The following CLIP1 variants were observed in gnomAD, a reference collection of about 807,000 sequenced individuals.
CLIP1 encodes the protein CAP-Gly domain containing linker protein 1.
In CLIP1, 66 loss-of-function variants were observed where a neutral mutation model predicts 161.6. That is an observed-to-expected ratio of 0.41 (90% CI 0.33 to 0.50). The LOEUF is 0.50. CLIP1 is among the 20% of genes least tolerant of loss of function. The pLI is 0.27. For missense variants in CLIP1, 1,376 were observed against 1,702.0 expected, an observed-to-expected ratio of 0.81 and a Z score of 3.37; for synonymous variants, 598 against 626.2, an observed-to-expected ratio of 0.96 and a Z score of 0.67.
intron 1 of CLIP1, among the ~76,000 whole-genome samples, chr12:122,415,049 C>G (rs1392925621): frequency 6.6e-6 from 1 of 151,856 alleles, no homozygotes. Flanking sequence ...CGGAGTGAGA[C>G]TCTGTCTCAA....
chr12:122,396,647 TCTA>T (rs2137032212), intron 1 of CLIP1: 1 of 152,260 alleles, frequency 6.6e-6, no homozygotes, highest in Non-Finnish European at 1.5e-5. Flanking sequence ...AGAAACAGAC[TCTA>T]CTGAGCTGCT....
chr12:122,352,908 A>G, intron 7 of CLIP1, 122 bp from the exon 8 acceptor site: 1 of 783,738 alleles, frequency 1.3e-6, no homozygotes, highest in Non-Finnish European at 2.2e-6. Context: ...AATCCCAGCA[A>G]TTTGGGAGGT....
chr12:122,312,325 C>CA (rs1443376128), intron 19 of CLIP1, among the ~76,000 whole-genome samples: 2 of 152,150 alleles, frequency 1.3e-5, no homozygotes, highest in Admixed American at 6.5e-5. Flanking sequence ...TTGTTATCTA[C>CA]AACTGAAAAT....
intron 1 of CLIP1, among the ~76,000 whole-genome samples, chr12:122,394,830 C>T (rs951552600): frequency 2.0e-5 from 3 of 151,948 alleles, no homozygotes; most frequent in East Asian, 1.9e-4. Flanking sequence ...TCCAGTCTGG[C>T]GACAGCATGA....
At chr12:122,330,094 G>A (rs1951879730) in intron 15 of CLIP1, among the ~76,000 whole-genome samples, 1 of 152,058 alleles carries the variant, frequency 6.6e-6, no homozygotes, top group African/African-American at 2.4e-5. Flanking sequence ...TCCAGCCTGG[G>A]CAACAAGAGC....
At chr12:122,290,282 A>G (rs942988579) in intron 20 of CLIP1, among the ~76,000 whole-genome samples, 5 of 152,180 alleles carry the variant, frequency 3.3e-5, no homozygotes, top group Non-Finnish European at 7.3e-5. Flanking sequence ...ACATAGTTTT[A>G]TAGACTCTTT....
Position 122,299,612 on chromosome 12 carries a change from CAAA to C in CLIP1, c.3594+10147_3594+10149del, listed in dbSNP as rs71082962. 7.3e-3 allele frequency among the ~76,000 whole-genome samples: 459 copies of C among 62,510 alleles called. 20 individuals are homozygous for C. The highest frequency in any genetic ancestry group is 0.028 in the South Asian group (42 of 1,524). 41.0% of individuals were successfully genotyped at this position (62,510 alleles called of 152,430 possible). A position where few individuals can be genotyped will look rare whatever the true frequency, so the allele number is the denominator to read the frequency against. On this transcript the variant is annotated intron_variant, in intron 20 of 25. Transcript: ENST00000620786. The stretch of plus-strand genomic sequence containing the variant: ...TTTTGTTTTTAAAGAATAAATTCAG[CAAA>C]AAAAAAAAAAAAAAAAAGATGCCGG...
intron 1 of CLIP1, among the ~76,000 whole-genome samples, chr12:122,393,331 T>A (rs934264667): frequency 4.0e-5 from 6 of 151,180 alleles, no homozygotes; most frequent in African/African-American, 1.5e-4. Flanking sequence ...CAGCTAATTT[T>A]TTGTATTTTT....
At chr12:122,297,185 C>A (rs998552016) in intron 20 of CLIP1, among the ~76,000 whole-genome samples, 1 of 152,150 alleles carries the variant, frequency 6.6e-6, no homozygotes, top group African/African-American at 2.4e-5. Context: ...GTATGCATAA[C>A]CCTATTTTGT....
rs1353183071 is a variant in CLIP1 at position 122,387,569 on chromosome 12, TATATATATATATATATA to T, written c.-106-7028_-106-7012del. On this transcript the variant is annotated intron_variant, in intron 1 of 25. Coordinates refer to ENST00000620786, the MANE Select transcript of CLIP1 (RefSeq NM_001247997.2). ...TTTCATATATATATATATATATATA[TATATATATATATATATA>T]TATATTTTTTTTTTTTTTTTTTTTT... 6.4e-3 allele frequency among the ~76,000 whole-genome samples: 50 copies of T among 7,788 alleles called. 1 individual carries two copies. Among genetic ancestry groups the T allele is most frequent in the African/African-American group, 0.014 (44 of 3,148 alleles). 5.1% of individuals were successfully genotyped at this position (7,788 alleles called of 152,430 possible).
At chr12:122,292,775 G>A (rs561513625) in intron 20 of CLIP1, among the ~76,000 whole-genome samples, 9 of 151,922 alleles carry the variant, frequency 5.9e-5, no homozygotes, top group Admixed American at 3.9e-4. Flanking sequence ...AGGCCGAGGC[G>A]GGCGGATCAC....
intron 1 of CLIP1, among the ~76,000 whole-genome samples, chr12:122,394,404 G>A (rs896095142): frequency 3.4e-4 from 47 of 138,508 alleles, no homozygotes; most frequent in African/African-American, 8.7e-4. Flanking sequence ...CACGAGAATC[G>A]TTTGAAGCCG....
intron 21 of CLIP1, among the ~76,000 whole-genome samples, chr12:122,283,167 T>A (rs1161303423): frequency 6.6e-6 from 1 of 152,172 alleles, no homozygotes; most frequent in Non-Finnish European, 1.5e-5. Context: ...CAAATCTGCA[T>A]CAGGCTTCAG....
chr12:122,289,159 C>CG (rs910605015), intron 20 of CLIP1, among the ~76,000 whole-genome samples: 1 of 151,170 alleles, frequency 6.6e-6, no homozygotes, highest in Admixed American at 6.6e-5. Context: ...TGGCCAGGCG[C>CG]GGTGGCTCAC....
chr12:122,330,977 T>C (rs1290335544), intron 15 of CLIP1, among the ~76,000 whole-genome samples: 1 of 151,950 alleles, frequency 6.6e-6, no homozygotes, highest in East Asian at 1.9e-4. Flanking sequence ...TTCACCCCAG[T>C]AAGCCTCAGT....
rs116437135 is a variant in CLIP1 at position 122,313,830 on chromosome 12, A to C, written c.3473+2919T>G. Among the ~76,000 whole-genome samples the C allele has an allele frequency of 5.0e-3, 765 of 152,202 alleles. 9 individuals carry two copies. Among genetic ancestry groups the C allele is most frequent in the African/African-American group, 0.017 (712 of 41,526 alleles). On this transcript the variant is annotated intron_variant, in intron 19 of 25. Coordinates refer to ENST00000620786, the MANE Select transcript of CLIP1 (RefSeq NM_001247997.2). ...GTGAGGACTCTGAACATTAAAGGTG[A>C]TCTCACTGGAATACTAGTAATGACC...
chr12:122,332,976 G>C lies in CLIP1; in HGVS notation c.2867+11C>G, dbSNP rs760110728. The C allele has an allele frequency of 1.9e-6, 3 of 1,609,108 alleles. No individual in the cohort carries two copies. The highest frequency in any genetic ancestry group is 2.5e-6 in the Non-Finnish European group (3 of 1,177,822). On this transcript the variant is annotated intron_variant, in intron 15 of 25. Transcript: ENST00000620786. ...CCTAAGGTCAGCACTCTTTTCAACA[G>C]TCACATATACCTTTCTTTCAGACGT...
intron 24 of CLIP1, among the ~76,000 whole-genome samples, chr12:122,276,119 T>C (rs747995681): frequency 6.6e-6 from 1 of 152,244 alleles, no homozygotes; most frequent in Non-Finnish European, 1.5e-5. Flanking sequence ...TATATATAGA[T>C]ATACACACAC....
chr12:122,286,564 C>T (rs1222045650), intron 21 of CLIP1, among the ~76,000 whole-genome samples: 1 of 120,354 alleles, frequency 8.3e-6, no homozygotes, highest in African/African-American at 3.0e-5. Context: ...TAGACAAAGA[C>T]TTATCAGGGG....
Sources: gnomAD v4.1 joint callset for allele counts (sites outside exome capture counted in the v4.1 genomes callset) on GRCh38, gnomAD v4.1.1 for gene constraint, MANE v1.5 for transcripts, NCBI Gene and HGNC (gene_info 2026-07-23, HGNC 2026-07-21) for gene names.